The following FGF12 variants were observed in gnomAD, a reference collection of about 807,000 sequenced individuals.
FGF12 encodes fibroblast growth factor 12, also known as fibroblast growth factor 12B.
A neutral mutation model predicts 23.6 loss-of-function variants in FGF12; 14 were observed. The ratio of observed to expected loss-of-function variants is 0.59; its 90% CI spans 0.39 to 0.93. The LOEUF is 0.93. FGF12 is among the 40% of genes least tolerant of loss of function. FGF12 has a pLI of 0.00. For synonymous variants in FGF12, 62 were observed against 77.3 expected, an observed-to-expected ratio of 0.80 and a Z score of 1.04; for missense variants, 175 against 217.8, an observed-to-expected ratio of 0.80 and a Z score of 1.24.
chr3:192,695,722 T>C (rs934446337), intron 2 of FGF12, among the ~76,000 whole-genome samples: 23 of 152,256 alleles, frequency 1.5e-4, no homozygotes, highest in African/African-American at 5.3e-4. Flanking sequence ...GGATGAGGGG[T>C]TGTTTACCCA....
chr3:192,325,654 T>C (rs1274580275), intron 4 of FGF12, among the ~76,000 whole-genome samples: 1 of 152,170 alleles, frequency 6.6e-6, no homozygotes, highest in Non-Finnish European at 1.5e-5. Flanking sequence ...CTACTCCAGA[T>C]ATGCTTGTTT....
intron 4 of FGF12, among the ~76,000 whole-genome samples, chr3:192,178,333 C>A (rs983442190): frequency 6.6e-6 from 1 of 151,892 alleles, no homozygotes; most frequent in Non-Finnish European, 1.5e-5. Context: ...ATTTAATAAG[C>A]AAACAAAGAA....
rs1193058336 is a variant in FGF12, at chr3:192,590,174, C to T, written c.13+137007G>A. On this transcript the variant is annotated intron_variant, in intron 2 of 5. Coordinates refer to ENST00000445105, the MANE Select transcript of FGF12 (RefSeq NM_004113.6). ...TCAGGCTTCAGATATCAAATTCATG[C>T]ATTAATGAGTGTAAAACTAGACACC... Among the ~76,000 whole-genome samples, 2 of 151,784 alleles carry T rather than the reference C, an allele frequency of 1.3e-5. 1 individual carries two copies. The highest frequency in any genetic ancestry group is 4.2e-4 in the South Asian group (2 of 4,762).
rs567437961 is a variant in FGF12, at chr3:192,722,301, T to C, written c.13+4880A>G. ...ACTATACTGGCTCAGTCTTTTATTA[T>C]TGTTGTTGTTATTGTTTAACCACAA... is the stretch of plus-strand genomic sequence containing the variant. On this transcript the variant is annotated intron_variant, in intron 2 of 5. Coordinates refer to ENST00000445105, the MANE Select transcript of FGF12 (RefSeq NM_004113.6). 1.2e-4 allele frequency among the ~76,000 whole-genome samples: 18 copies of C among 149,944 alleles called. No individual in the cohort carries two copies. In the South Asian group the frequency reaches 2.7e-3, roughly 22 times the overall value.
intron 2 of FGF12, among the ~76,000 whole-genome samples, chr3:192,384,799 A>G (rs1719974987): frequency 6.6e-6 from 1 of 152,164 alleles, no homozygotes; most frequent in South Asian, 2.1e-4. Context: ...ACACATCCCA[A>G]GAATTGTACA....
chr3:192,520,285 T>C (rs977084603), intron 2 of FGF12, among the ~76,000 whole-genome samples: 1 of 152,158 alleles, frequency 6.6e-6, no homozygotes, highest in African/African-American at 2.4e-5. Context: ...TACCACCAGG[T>C]TCATTTTATT....
intron 2 of FGF12, among the ~76,000 whole-genome samples, chr3:192,692,112 T>C (rs1260041731): frequency 6.6e-6 from 1 of 152,168 alleles, no homozygotes; most frequent in Non-Finnish European, 1.5e-5. Context: ...ATCCATCCTA[T>C]TCATCTATTT....
chr3:192,317,879 C>CAGAG (rs150180075), intron 4 of FGF12, among the ~76,000 whole-genome samples: 3 of 150,238 alleles, frequency 2.0e-5, no homozygotes, highest in African/African-American at 7.3e-5. Flanking sequence ...CAGCTTAGCA[C>CAGAG]AGAGAGAGAG....
At chr3:192,415,732 TCACACACA>T (rs572589902) in intron 2 of FGF12, among the ~76,000 whole-genome samples, 33 of 118,048 alleles carry the variant, frequency 2.8e-4, no homozygotes, top group Non-Finnish European at 3.8e-4. Context: ...TCTCTCTCTC[TCACACACA>T]CACACACACA....
chr3:192,528,804 C>T (rs1278065223), intron 2 of FGF12, among the ~76,000 whole-genome samples: 6 of 152,202 alleles, frequency 3.9e-5, no homozygotes, highest in Non-Finnish European at 8.8e-5. Flanking sequence ...CTTGCACCCT[C>T]TGAAGTCATG....
intron 4 of FGF12, among the ~76,000 whole-genome samples, chr3:192,246,839 G>GA (rs1553784885): frequency 7.6e-6 from 1 of 131,342 alleles, no homozygotes; most frequent in African/African-American, 2.8e-5. Flanking sequence ...AAAAAAAAAA[G>GA]GAGAGAGAGA....
At chr3:192,155,974 A>C (rs1390513698) in intron 5 of FGF12, among the ~76,000 whole-genome samples, 1 of 152,152 alleles carries the variant, frequency 6.6e-6, no homozygotes, top group Non-Finnish European at 1.5e-5. Context: ...TTCAAGAGGG[A>C]CTTTTTCCAT....
At chr3:192,288,364 A>G (rs1237680001) in intron 4 of FGF12, among the ~76,000 whole-genome samples, 2 of 152,108 alleles carry the variant, frequency 1.3e-5, no homozygotes, top group Admixed American at 6.6e-5. Context: ...CCATCTAGGT[A>G]TCGTTTAAGA....
At chr3:192,495,757 C>G (rs1163893196) in intron 2 of FGF12, among the ~76,000 whole-genome samples, 2 of 152,236 alleles carry the variant, frequency 1.3e-5, no homozygotes, top group East Asian at 3.9e-4. Flanking sequence ...GCCTTGACCT[C>G]TCAAGCTCAA....
At chr3:192,173,189 T>C (rs1369359877) in intron 4 of FGF12, among the ~76,000 whole-genome samples, 2 of 150,892 alleles carry the variant, frequency 1.3e-5, no homozygotes, top group Admixed American at 1.3e-4. Context: ...TGAAATGTTC[T>C]GGGATTAGAT....
chr3:192,505,174 TAAAAA>T (rs945976972), intron 2 of FGF12, among the ~76,000 whole-genome samples: 1 of 151,014 alleles, frequency 6.6e-6, no homozygotes, highest in Admixed American at 6.6e-5. Context: ...CAGACAAGCT[TAAAAA>T]AAAAGAAACA....
chr3:192,363,496 G>A (rs931806212), intron 2 of FGF12, among the ~76,000 whole-genome samples: 15 of 152,038 alleles, frequency 9.9e-5, no homozygotes, highest in Non-Finnish European at 1.5e-4. Context: ...CAGAGTCTGC[G>A]TTTTAATCAT....
chr3:192,671,903 G>T (rs1257721065), intron 2 of FGF12, among the ~76,000 whole-genome samples: 1 of 151,986 alleles, frequency 6.6e-6, no homozygotes, highest in East Asian at 1.9e-4. Flanking sequence ...TAGTTTAAAG[G>T]AATAAATAAT....
rs376426110 is a variant in FGF12, at chr3:192,288,601, C to A, written c.228+46760G>T. Among the ~76,000 whole-genome samples the A allele has an allele frequency of 4.2e-4, 64 of 152,144 alleles. No individual in the cohort carries two copies. The East Asian group carries it at 5.6e-3, about 13-fold the overall frequency. The stretch of plus-strand genomic sequence containing the variant: ...AGCCTGAAAGTTCATCCATGGCCAT[C>A]CTATTTTCTTGAATCATCAACTATA... On this transcript the variant is annotated intron_variant, in intron 4 of 5. Coordinates refer to ENST00000445105, the MANE Select transcript of FGF12 (RefSeq NM_004113.6).
Sources: allele counts gnomAD v4.1 joint callset (sites outside exome capture counted in the v4.1 genomes callset), GRCh38; gene constraint gnomAD v4.1.1; transcripts MANE v1.5; gene names NCBI Gene and HGNC (gene_info 2026-07-23, HGNC 2026-07-21).